The following LETMD1 variants were observed in gnomAD, a reference collection of about 807,000 sequenced individuals.
The protein encoded by LETMD1 is LETM1 domain containing 1.
LETMD1 carries 30 observed loss-of-function variants against 43.9 expected under a neutral mutation model. The observed-to-expected ratio is 0.68, with a 90% CI of 0.51 to 0.93. LETMD1 has a LOEUF of 0.93. LETMD1 is among the 40% of genes least tolerant of loss of function. LETMD1 has a pLI of 0.00. For missense variants in LETMD1, 413 were observed against 447.7 expected, an observed-to-expected ratio of 0.92 and a Z score of 0.70; for synonymous variants, 176 against 163.1, an observed-to-expected ratio of 1.08 and a Z score of -0.60.
At chr12:51,064,055 G>A, downstream of LETMD1, 2 of 1,614,248 alleles carry the variant, frequency 1.2e-6, no homozygotes, top group Non-Finnish European at 8.5e-7. Context: ...TTGGGAAAGA[G>A]GCTGAGCCTT....
chr12:51,064,771 C>G, downstream of LETMD1: 1 of 1,041,674 alleles, frequency 9.6e-7, no homozygotes, highest in Non-Finnish European at 1.3e-6. Context: ...TTTGAGGTCT[C>G]CTTGTAAGAA....
chr12:51,049,612 T>C lies in LETMD1; in HGVS notation c.274+427T>C, dbSNP rs189469317. Among the ~76,000 whole-genome samples, 14 of 152,354 alleles carry C rather than the reference T, an allele frequency of 9.2e-5. No homozygotes were observed. In the East Asian group the frequency reaches 2.5e-3, roughly 27 times the overall value. ...ATGTTGTAGTGGCAATAGCCCTACA[T>C]AATACTTGGTTTCTAAATGTTTTGT... is the stretch of plus-strand genomic sequence containing the variant. On this transcript the variant is annotated intron_variant, in intron 2 of 8. Coordinates refer to ENST00000262055, the MANE Select transcript of LETMD1 (RefSeq NM_015416.5).
chr12:51,057,627 C>CTTT (rs36057122), intron 7 of LETMD1: 66 of 162,700 alleles, frequency 4.1e-4, no homozygotes, highest in East Asian at 1.7e-3. Context: ...GAGATTGTAA[C>CTTT]TTTTTTTTTT....
chr12:51,051,896 G>A (rs17125258), intron 2 of LETMD1, among the ~76,000 whole-genome samples, 196 bp from the exon 3 acceptor site: 21,218 of 152,124 alleles, frequency 0.14, 1,937 homozygotes, highest in East Asian at 0.49. Flanking sequence ...GAAGAGAGGC[G>A]ATGTGCTAGG....
intron 8 of LETMD1, chr12:51,059,088 C>A: frequency 2.4e-6 from 1 of 411,628 alleles, no homozygotes; most frequent in Non-Finnish European, 4.6e-6. Context: ...CCAGAAGAAT[C>A]CCAACGCGAC....
At chr12:51,051,021 AAAAAG>A (rs1190719718) in intron 2 of LETMD1, among the ~76,000 whole-genome samples, 4 of 152,062 alleles carry the variant, frequency 2.6e-5, no homozygotes, top group South Asian at 2.1e-4. Flanking sequence ...TCTCAAAAAA[AAAAAG>A]AAAAGAAAAA....
Position 51,056,430 on chromosome 12 carries a change from TG to T in LETMD1, c.844del (p.Val282Ter). ...GACATCGTTTGAAGACTCATACAAC[TG>T]TGATTCACCAACTGGACAAGGCTTT... ...LRHRLKTHTT[V>X]IHQLDKALAK... On this transcript the variant is annotated frameshift_variant, in exon 7 of 9. Transcript: ENST00000262055. LOFTEE classifies it high-confidence loss of function. 6.2e-7 allele frequency: 1 copy of T among 1,614,176 alleles called. No homozygotes were observed. Among genetic ancestry groups the T allele is most frequent in the Non-Finnish European group, 8.5e-7 (1 of 1,180,014 alleles).
chr12:51,048,513 G>T (rs1202898787), intron 1 of LETMD1, 35 bp downstream of exon 1: 2 of 1,608,126 alleles, frequency 1.2e-6, no homozygotes, highest in Admixed American at 1.7e-5. Flanking sequence ...CATTTTTGAC[G>T]TCCAGGCTCT....
At chr12:51,067,975 AAG>A in the LETMD1 span, 2 of 1,611,490 alleles carry the variant, frequency 1.2e-6, no homozygotes, top group African/African-American at 1.3e-5. This position sits in a 1 kb window ranked among gnomAD's most constrained non-coding sequence, Gnocchi z 4.1. Flanking sequence ...GTCAGCTGCC[AAG>A]AGACAGGAAA....
At chr12:51,056,573 T>C in intron 7 of LETMD1, 71 bp downstream of exon 7, 1 of 1,463,164 alleles carries the variant, frequency 6.8e-7, no homozygotes, top group Non-Finnish European at 9.6e-7. Context: ...GCCGGAGGTT[T>C]ACAGGGGCTC....
rs759521388 is a variant in LETMD1 at position 51,052,099 on chromosome 12, G to C, written c.282G>C (p.Gln94His). 9.3e-6 allele frequency: 15 copies of C among 1,613,602 alleles called. No homozygotes were observed. Among genetic ancestry groups the C allele is most frequent in the Non-Finnish European group, 1.3e-5 (15 of 1,179,768 alleles). ...VLYTIFMKGL[Q>H]MLWADAKKAR... The stretch of plus-strand genomic sequence containing the variant: ...TCTACTTTAATGAGGCAGGATTGCA[G>C]ATGTTATGGGCTGATGCCAAAAAGG... Residue 94 changes from glutamine (Q) to histidine (H), a missense_variant, in exon 3 of 9, where the codon CAG becomes CAC. Coordinates refer to ENST00000262055, the MANE Select transcript of LETMD1 (RefSeq NM_015416.5).
chr12:51,050,353 G>T (rs866964404), intron 2 of LETMD1, among the ~76,000 whole-genome samples: 10 of 151,594 alleles, frequency 6.6e-5, no homozygotes, highest in South Asian at 2.1e-4. Flanking sequence ...CTCCCAAGTA[G>T]CTGGGAATAC....
At position 51,059,445 on chromosome 12, in the gene LETMD1, C is replaced by G; in HGVS notation, c.*14C>G. ...ACAAGGCGCTGAATGAACCATGGAG[C>G]GGATGGCATTGTCCTGCAGTCGTAT... On this transcript the variant is annotated 3_prime_UTR_variant, in exon 9 of 9. Transcript: ENST00000262055. 2 of 1,611,804 alleles carry G rather than the reference C, an allele frequency of 1.2e-6. No homozygotes were observed. Among genetic ancestry groups the G allele is most frequent in the South Asian group, 1.1e-5 (1 of 91,038 alleles).
At chr12:51,064,220 G>A, downstream of LETMD1, 2 of 1,613,876 alleles carry the variant, frequency 1.2e-6, no homozygotes, top group South Asian at 1.1e-5. Context: ...AGGAGCCTGG[G>A]GGCAGCTGAG....
intron 7 of LETMD1, 33 bp from the exon 8 acceptor site, chr12:51,057,999 T>C: frequency 7.8e-7 from 1 of 1,276,222 alleles, no homozygotes; most frequent in Non-Finnish European, 1.1e-6. Flanking sequence ...ATTCTATGAT[T>C]ATTAAGGACC....
chr12:51,056,630 C>G, intron 7 of LETMD1, 128 bp downstream of exon 7: 1 of 713,486 alleles, frequency 1.4e-6, no homozygotes, highest in Non-Finnish European at 2.4e-6. Context: ...TCTCTCACTT[C>G]ATTTATTTAT....
chr12:51,068,605 G>A, the LETMD1 span, among the ~76,000 whole-genome samples: 1 of 152,090 alleles, frequency 6.6e-6, no homozygotes, highest in Non-Finnish European at 1.5e-5. Flanking sequence ...CCTCCTACAC[G>A]AAAATCTATT....
At chr12:51,066,554 T>C in the LETMD1 span, among the ~76,000 whole-genome samples, 1 of 148,960 alleles carries the variant, frequency 6.7e-6, no homozygotes, top group Non-Finnish European at 1.5e-5. Context: ...GGCGGGAGAA[T>C]CACTTGAACC....
chr12:51,060,688 G>T (rs1464500649), downstream of LETMD1, among the ~76,000 whole-genome samples: 1 of 152,070 alleles, frequency 6.6e-6, no homozygotes, highest in South Asian at 2.1e-4. Context: ...GGATCACAAG[G>T]TCAGGAGATC....
Sources: allele counts gnomAD v4.1 joint callset (sites outside exome capture counted in the v4.1 genomes callset), GRCh38; gene constraint gnomAD v4.1.1; non-coding constraint Gnocchi (gnomAD v3.1); transcripts MANE v1.5; gene names NCBI Gene and HGNC (gene_info 2026-07-23, HGNC 2026-07-21).